The following CHST9 variants were observed in gnomAD, a reference collection of about 807,000 sequenced individuals.
CHST9 encodes the protein GalNAc-4-sulfotransferase 2.
CHST9 carries 41 observed loss-of-function variants against 44.4 expected under a neutral mutation model. The ratio of observed to expected loss-of-function variants is 0.92; its 90% CI spans 0.72 to 1.20. The LOEUF (loss-of-function observed/expected upper bound fraction) is 1.20, where lower values mean the gene tolerates loss of function less well. Ranked by LOEUF, CHST9 falls within the 50% of genes most tolerant of loss-of-function variation. The pLI, the probability that CHST9 is intolerant of heterozygous loss-of-function variation, is 0.00. For missense variants in CHST9, 504 were observed against 516.5 expected, an observed-to-expected ratio of 0.98 and a Z score of 0.23; for synonymous variants, 171 against 178.4, an observed-to-expected ratio of 0.96 and a Z score of 0.33.
chr18:27,154,401 G>A (rs1446305630), intron 1 of CHST9, among the ~76,000 whole-genome samples: 1 of 152,050 alleles, frequency 6.6e-6, no homozygotes, highest in African/African-American at 2.4e-5. Context: ...AGACTGCAGA[G>A]GGCCTTGGTG....
chr18:27,004,020 G>C lies in CHST9; in HGVS notation c.202+20096C>G, dbSNP rs569729043. ...AAACACATTTTATTGATTTCTTATG[G>C]AAATAGGAATATGAGTGTCTGGAAA... On this transcript the variant is annotated intron_variant, in intron 4 of 5. Coordinates refer to ENST00000618847, the MANE Select transcript of CHST9 (RefSeq NM_031422.6). Among the ~76,000 whole-genome samples the C allele has an allele frequency of 1.3e-5, 2 of 151,486 alleles. 1 individual carries two copies. The highest frequency in any genetic ancestry group is 4.2e-4 in the South Asian group (2 of 4,808).
chr18:27,010,085 T>C (rs2057064604), intron 4 of CHST9, among the ~76,000 whole-genome samples: 1 of 152,250 alleles, frequency 6.6e-6, no homozygotes, highest in South Asian at 2.1e-4. Flanking sequence ...CTAGGTTCTT[T>C]ACTTAAATAT....
chr18:27,055,910 C>T (rs532433685), intron 2 of CHST9, among the ~76,000 whole-genome samples: 2 of 149,986 alleles, frequency 1.3e-5, no homozygotes, highest in South Asian at 4.2e-4. Flanking sequence ...ATTACATGTG[C>T]TTTTTCTTCT....
At chr18:27,068,830 T>C (rs1437133190) in intron 2 of CHST9, among the ~76,000 whole-genome samples, 3 of 152,334 alleles carry the variant, frequency 2.0e-5, no homozygotes, top group Non-Finnish European at 4.4e-5. Context: ...TCGTCATATG[T>C]ATGAAGCCTG....
At chr18:27,089,893 C>T (rs2058051287) in intron 2 of CHST9, among the ~76,000 whole-genome samples, 1 of 148,468 alleles carries the variant, frequency 6.7e-6, no homozygotes. Flanking sequence ...TCAGTGCAAG[C>T]TCCGCCTCCC....
intron 2 of CHST9, among the ~76,000 whole-genome samples, chr18:27,138,336 C>A (rs924676229): frequency 3.3e-5 from 5 of 152,142 alleles, no homozygotes; most frequent in Non-Finnish European, 5.9e-5. Flanking sequence ...GATTCCTCTG[C>A]CCATGGAGGC....
At chr18:27,000,622 G>GTCTATCTACCTGTCTATCTATCTA (rs1555675551) in intron 4 of CHST9, among the ~76,000 whole-genome samples, 32 of 147,490 alleles carry the variant, frequency 2.2e-4, no homozygotes, top group African/African-American at 7.2e-4. Flanking sequence ...TATTTGTTTT[G>GTCTATCTACCTGTCTATCTATCTA]TCTATCTATC....
rs186382228 is a variant in CHST9 at position 27,131,424 on chromosome 18, G to A, written c.121+11265C>T. On this transcript the variant is annotated intron_variant, in intron 2 of 5. Coordinates refer to ENST00000618847, the MANE Select transcript of CHST9 (RefSeq NM_031422.6). ...AAATTAGCTGGGCGTGGTGGCGCAC[G>A]CCTGTACTTCCAGCTACTTGGGTGG... Among the ~76,000 whole-genome samples the A allele has an allele frequency of 3.3e-5, 5 of 152,276 alleles. No homozygotes were observed. In the East Asian group the frequency reaches 9.7e-4, roughly 29 times the overall value.
intron 2 of CHST9, among the ~76,000 whole-genome samples, chr18:27,074,678 A>T (rs542864627): frequency 6.6e-6 from 1 of 152,096 alleles, no homozygotes. Flanking sequence ...TATTTATATA[A>T]AACACATGAT....
chr18:27,148,669 T>C (rs2143890388), intron 1 of CHST9, among the ~76,000 whole-genome samples: 1 of 150,646 alleles, frequency 6.6e-6, no homozygotes, highest in East Asian at 2.0e-4. Context: ...GTTGGACATT[T>C]GGCTTGGTTC....
At chr18:27,063,018 G>A (rs1048291760) in intron 2 of CHST9, among the ~76,000 whole-genome samples, 1 of 152,146 alleles carries the variant, frequency 6.6e-6, no homozygotes, top group Non-Finnish European at 1.5e-5. Context: ...GCAATTACAG[G>A]GGCAGGTGTG....
chr18:27,119,402 A>G (rs534662278), intron 2 of CHST9, among the ~76,000 whole-genome samples: 1 of 152,190 alleles, frequency 6.6e-6, no homozygotes, highest in Non-Finnish European at 1.5e-5. Context: ...TTGGGACCCC[A>G]GTTTGTGGAT....
At chr18:27,058,122 G>A (rs1468918859) in intron 2 of CHST9, among the ~76,000 whole-genome samples, 1 of 152,210 alleles carries the variant, frequency 6.6e-6, no homozygotes, top group Non-Finnish European at 1.5e-5. Flanking sequence ...ATTATTGCCA[G>A]GTTTTAAATA....
chr18:27,012,613 T>G (rs1568132589), intron 4 of CHST9, among the ~76,000 whole-genome samples: 1 of 152,096 alleles, frequency 6.6e-6, no homozygotes, highest in Non-Finnish European at 1.5e-5. Context: ...TTCCTTACAG[T>G]TTACAGAGCA....
chr18:27,020,435 A>G (rs2057210820), intron 4 of CHST9, among the ~76,000 whole-genome samples: 1 of 152,242 alleles, frequency 6.6e-6, no homozygotes, highest in Non-Finnish European at 1.5e-5. Flanking sequence ...CAAGGCTGAG[A>G]AGAGAGAAGA....
intron 2 of CHST9, among the ~76,000 whole-genome samples, chr18:27,062,987 A>T (rs2057743435): frequency 6.6e-6 from 1 of 152,180 alleles, no homozygotes; most frequent in African/African-American, 2.4e-5. Flanking sequence ...CTCACCTGGT[A>T]GGTCTCTTGC....
At chr18:27,050,879 A>G (rs2057558305) in intron 2 of CHST9, among the ~76,000 whole-genome samples, 1 of 152,228 alleles carries the variant, frequency 6.6e-6, no homozygotes, top group African/African-American at 2.4e-5. Flanking sequence ...TATGTAAACA[A>G]AAACAACTTT....
intron 2 of CHST9, among the ~76,000 whole-genome samples, chr18:27,125,223 G>GCCCT (rs989182870): frequency 6.6e-6 from 1 of 152,144 alleles, no homozygotes; most frequent in Non-Finnish European, 1.5e-5. Flanking sequence ...AACTGTGAGA[G>GCCCT]CCCTAATTTA....
chr18:26,936,274 T>G (rs1289546304), intron 5 of CHST9: 1 of 152,136 alleles, frequency 6.6e-6, no homozygotes, highest in Non-Finnish European at 1.5e-5. Flanking sequence ...CTTTTGCATA[T>G]CGCCAGAAAA....
Sources: gnomAD v4.1 joint callset for allele counts (sites outside exome capture counted in the v4.1 genomes callset) on GRCh38, gnomAD v4.1.1 for gene constraint, MANE v1.5 for transcripts, NCBI Gene and HGNC (gene_info 2026-07-23, HGNC 2026-07-21) for gene names.